Variants in SRPRA observed in about 807,000 individuals in gnomAD.
SRPRA encodes signal recognition particle receptor subunit alpha.
SRPRA carries 30 observed loss-of-function variants against 61.1 expected under a neutral mutation model. That is an observed-to-expected ratio of 0.49 (90% CI 0.37 to 0.67). SRPRA has a LOEUF of 0.67. SRPRA is among the 30% of genes least tolerant of loss of function. The probability of loss-of-function intolerance (pLI) is 0.00; values close to 1 mark genes in which losing one functional copy is unlikely to be tolerated. For missense variants in SRPRA, 759 were observed against 828.4 expected (o/e 0.92, Z 1.03); for synonymous variants, 324 against 299.7 (o/e 1.08, Z -0.84).
At chr11:126,239,269 G>T in the SRPRA span, among the ~76,000 whole-genome samples, 1 of 152,044 alleles carries the variant, frequency 6.6e-6, no homozygotes, top group Non-Finnish European at 1.5e-5. Context: ...AGCCAAATTG[G>T]AAGTCTTAAT....
At chr11:126,238,996 A>G in the SRPRA span, among the ~76,000 whole-genome samples, 2 of 147,256 alleles carry the variant, frequency 1.4e-5, no homozygotes, top group African/African-American at 5.0e-5. Context: ...TTTTCGAGAC[A>G]AGGTCTTGTT....
chr11:126,267,037 A>G lies in SRPRA; in HGVS notation c.527-115T>C, dbSNP rs1230799547. On this transcript the variant is annotated intron_variant, in intron 4 of 13. Coordinates refer to ENST00000332118, the MANE Select transcript of SRPRA (RefSeq NM_003139.4). The surrounding 1 kb of genome is among the most constrained non-coding windows in gnomAD (Gnocchi z 4.2). ...ATTTGGACCAAACATCTTGGAGTTCATAAGGCCTGGGGATTATAGGATGGT... is the reference window on the plus strand; with the variant it reads ...ATTTGGACCAAACATCTTGGAGTTCGTAAGGCCTGGGGATTATAGGATGGT... The G allele has an allele frequency of 1.0e-5, 16 of 1,526,520 alleles. No homozygotes were observed. The highest frequency in any genetic ancestry group is 1.4e-5 in the African/African-American group (1 of 72,056). 94.6% of individuals were successfully genotyped at this position (1,526,520 alleles called of 1,614,324 possible). A position where few individuals can be genotyped will look rare whatever the true frequency, so the allele number is the denominator to read the frequency against.
chr11:126,258,654 G>T (rs1950619752), downstream of SRPRA, among the ~76,000 whole-genome samples: 1 of 152,186 alleles, frequency 6.6e-6, no homozygotes, highest in Admixed American at 6.5e-5. Flanking sequence ...AGACTCTCCT[G>T]CTGTTGTTTG....
the SRPRA span, among the ~76,000 whole-genome samples, chr11:126,249,056 A>C: frequency 6.6e-6 from 1 of 152,224 alleles, no homozygotes; most frequent in Non-Finnish European, 1.5e-5. Flanking sequence ...TCTGAAAAGC[A>C]GTTATTTAAG....
At chr11:126,244,817 A>G in the SRPRA span, among the ~76,000 whole-genome samples, 52 of 152,242 alleles carry the variant, frequency 3.4e-4, no homozygotes, top group African/African-American at 1.2e-3. The surrounding 1 kb of genome is among the most constrained non-coding windows in gnomAD (Gnocchi z 4.5). Flanking sequence ...AAATAAATAA[A>G]TAAGTGGAGA....
chr11:126,245,668 T>TG, the SRPRA span, among the ~76,000 whole-genome samples: 5 of 151,924 alleles, frequency 3.3e-5, no homozygotes, highest in Non-Finnish European at 7.4e-5. Flanking sequence ...TACCTCAGCC[T>TG]GGGCAACATA....
chr11:126,246,870 T>G, the SRPRA span, among the ~76,000 whole-genome samples: 1 of 152,182 alleles, frequency 6.6e-6, no homozygotes, highest in Non-Finnish European at 1.5e-5. Flanking sequence ...GCCTCCCTGT[T>G]TATGTTTTCA....
At chr11:126,253,324 C>T in the SRPRA span, among the ~76,000 whole-genome samples, 4 of 152,120 alleles carry the variant, frequency 2.6e-5, no homozygotes, top group South Asian at 2.1e-4. This position sits in a 1 kb window ranked among gnomAD's most constrained non-coding sequence, Gnocchi z 5.1. Context: ...TTCTAAATCT[C>T]GGTGCCTCTT....
Position 126,263,900 on chromosome 11 carries a change from T to G in SRPRA, c.*16A>C, listed in dbSNP as rs768441248. On this transcript the variant is annotated 3_prime_UTR_variant, in exon 14 of 14. Coordinates refer to ENST00000332118, the MANE Select transcript of SRPRA (RefSeq NM_003139.4). ...TTGTGGGGAAAGCGGCGATTTGGTA[T>G]TGGGCAAGAGCCACGTTAAGCCTTC... 5 of 1,612,542 alleles carry G rather than the reference T, an allele frequency of 3.1e-6. No homozygotes were observed. The highest frequency in any genetic ancestry group is 3.4e-6 in the Non-Finnish European group (4 of 1,179,558).
At chr11:126,241,933 G>A in the SRPRA span, among the ~76,000 whole-genome samples, 1 of 150,454 alleles carries the variant, frequency 6.6e-6, no homozygotes. Flanking sequence ...GCTGAGGCAG[G>A]AGAATGGCTT....
chr11:126,259,487 A>C (rs55640045), downstream of SRPRA, among the ~76,000 whole-genome samples: 4 of 143,292 alleles, frequency 2.8e-5, no homozygotes, highest in African/African-American at 1.0e-4. Flanking sequence ...GTGCAGTGGC[A>C]CAATCTCGGC....
At chr11:126,243,908 A>G in the SRPRA span, among the ~76,000 whole-genome samples, 7 of 151,942 alleles carry the variant, frequency 4.6e-5, no homozygotes, top group African/African-American at 1.7e-4. Context: ...CGTCTCAAAA[A>G]AAAAAAAAAA....
chr11:126,249,750 A>AAAAG, the SRPRA span, among the ~76,000 whole-genome samples: 3 of 117,988 alleles, frequency 2.5e-5, no homozygotes, highest in African/African-American at 9.6e-5. Flanking sequence ...AAAAAAAAAA[A>AAAAG]AAAAGAAAAA....
chr11:126,238,972 CTTTTT>C, the SRPRA span, among the ~76,000 whole-genome samples: 2 of 129,874 alleles, frequency 1.5e-5, no homozygotes, highest in East Asian at 4.4e-4. Flanking sequence ...AAGTGGAAGT[CTTTTT>C]TTTTTTTTTT....
chr11:126,258,745 T>C (rs894967542), downstream of SRPRA, among the ~76,000 whole-genome samples: 1 of 152,270 alleles, frequency 6.6e-6, no homozygotes, highest in Non-Finnish European at 1.5e-5. Context: ...AAGTTCTACA[T>C]ATTTCTTTTG....
Position 126,266,174 on chromosome 11 carries a change from G to C in SRPRA, c.932+13C>G. The C allele has an allele frequency of 6.2e-7, 1 of 1,613,972 alleles. No homozygotes were observed. Among genetic ancestry groups the C allele is most frequent in the Non-Finnish European group, 8.5e-7 (1 of 1,179,928 alleles). On this transcript the variant is annotated intron_variant, in intron 7 of 13. Transcript: ENST00000332118. The stretch of plus-strand genomic sequence containing the variant: ...CAGATGCATATACCAACCCCCACCT[G>C]AAATTCCCCTACCTAGGTTTGGTAG...
the SRPRA span, among the ~76,000 whole-genome samples, chr11:126,238,895 AG>A: frequency 6.6e-6 from 1 of 151,892 alleles, no homozygotes; most frequent in Non-Finnish European, 1.5e-5. Flanking sequence ...AAAAAAAAAA[AG>A]TAACTATTAT....
chr11:126,255,160 C>A, the SRPRA span, among the ~76,000 whole-genome samples: 1 of 152,196 alleles, frequency 6.6e-6, no homozygotes. The surrounding 1 kb of genome is among the most constrained non-coding windows in gnomAD (Gnocchi z 4.6). Context: ...ATTGAATTAA[C>A]CACATTTATT....
Position 126,267,104 on chromosome 11 carries a change from G to A in SRPRA, c.526+71C>T. ...AGCAGGTAAGCAATGACAAAAGGAA[G>A]GACCACCTCAGTCCTTAGCACCGTG... On this transcript the variant is annotated intron_variant, in intron 4 of 13. Coordinates refer to ENST00000332118, the MANE Select transcript of SRPRA (RefSeq NM_003139.4). This position sits in a 1 kb window ranked among gnomAD's most constrained non-coding sequence, Gnocchi z 4.2. 1.3e-6 allele frequency: 2 copies of A among 1,578,276 alleles called. No homozygotes were observed. The highest frequency in any genetic ancestry group is 1.7e-6 in the Non-Finnish European group (2 of 1,160,344).
Sources: gnomAD v4.1 joint callset for allele counts (sites outside exome capture counted in the v4.1 genomes callset) on GRCh38, gnomAD v4.1.1 for gene constraint, Gnocchi (gnomAD v3.1) non-coding constraint, MANE v1.5 for transcripts, NCBI Gene and HGNC (gene_info 2026-07-23, HGNC 2026-07-21) for gene names.